TSPEAR: variants seen among roughly 807,000 people sequenced by gnomAD.
The protein encoded by TSPEAR is thrombospondin type laminin G domain and EAR repeats.
A neutral mutation model predicts 71.6 loss-of-function variants in TSPEAR; 69 were observed. The ratio of observed to expected loss-of-function variants is 0.96; its 90% CI spans 0.79 to 1.18. The LOEUF is 1.18. Ranked by LOEUF, TSPEAR falls within the 50% of genes most tolerant of loss-of-function variation. The pLI is 0.00. For synonymous variants in TSPEAR, 402 were observed against 387.2 expected (o/e 1.04, Z -0.45); for missense variants, 971 against 894.9 (o/e 1.09, Z -1.09).
chr21:44,512,175 A>T (rs1214923058), intron 9 of TSPEAR, among the ~76,000 whole-genome samples: 2 of 152,202 alleles, frequency 1.3e-5, no homozygotes, highest in Admixed American at 1.3e-4. Context: ...GGGCGGGCCT[A>T]CAGGGCCTGG....
Position 44,499,714 on chromosome 21 carries a change from G to T in TSPEAR, c.*69C>A. 1.4e-6 allele frequency: 2 copies of T among 1,459,610 alleles called. No homozygotes were observed. Among genetic ancestry groups the T allele is most frequent in the South Asian group, 1.3e-5 (1 of 74,276 alleles). 90.4% of individuals were successfully genotyped at this position (1,459,610 alleles called of 1,614,324 possible). ...GGCTGGGCCCACCTGGACGTCCAGGGTCAGTTGGGGGAGGTGCTGGGGTCC... is the reference window on the plus strand; with the variant it reads ...GGCTGGGCCCACCTGGACGTCCAGGTTCAGTTGGGGGAGGTGCTGGGGTCC... On this transcript the variant is annotated 3_prime_UTR_variant, in exon 12 of 12. Transcript: ENST00000323084.
chr21:44,539,878 G>A, intron 2 of TSPEAR: 1 of 1,578,820 alleles, frequency 6.3e-7, no homozygotes, highest in East Asian at 2.3e-5. Flanking sequence ...AGGGGGAGGA[G>A]GTGCAGCAAG....
intron 1 of TSPEAR, among the ~76,000 whole-genome samples, chr21:44,701,623 AAC>A (rs1435408950): frequency 7.2e-5 from 11 of 152,316 alleles, no homozygotes; most frequent in South Asian, 2.1e-4. Context: ...CACAAGGAGC[AAC>A]AGAGACCCCT....
In TSPEAR at chr21:44,533,861, C is replaced by G; in HGVS notation, c.366G>C (p.Arg122=). 6.2e-7 allele frequency: 1 copy of G among 1,612,446 alleles called. No homozygotes were observed. Residue 122 remains arginine (R), a synonymous_variant, in exon 3 of 12, where the codon CGG becomes CGC. Coordinates refer to ENST00000323084, the MANE Select transcript of TSPEAR (RefSeq NM_144991.3). ...GGAAGTGCAGCTGGGCAGGTGACAACCGCAGGCCGAGCAGCAGCAGGTCGC... is the reference window on the plus strand; with the variant it reads ...GGAAGTGCAGCTGGGCAGGTGACAAGCGCAGGCCGAGCAGCAGCAGGTCGC... The part of the protein sequence containing the change: ...EESDLLLLGL[R]LSPAQLHFLF...
rs1157176461 is a variant in TSPEAR, at chr21:44,623,496, T to G, written c.83-55491A>C. ...TATACAGTAAATATTCATTTAGATT[T>G]CCCCATGTTGTCCTCCTTTTGTTAC... On this transcript the variant is annotated intron_variant, in intron 1 of 11. Transcript: ENST00000323084. This position sits in a 1 kb window ranked among gnomAD's most constrained non-coding sequence, Gnocchi z 4.5. Among the ~76,000 whole-genome samples the G allele has an allele frequency of 6.6e-6, 1 of 152,244 alleles. No homozygotes were observed. Among genetic ancestry groups the G allele is most frequent in the Non-Finnish European group, 1.5e-5 (1 of 68,036 alleles).
At chr21:44,628,796 C>T (rs377629559) in intron 1 of TSPEAR, among the ~76,000 whole-genome samples, 2 of 152,170 alleles carry the variant, frequency 1.3e-5, no homozygotes, top group Non-Finnish European at 2.9e-5. Flanking sequence ...GAGTTCCACT[C>T]GGAGAGAGCT....
chr21:44,646,583 C>G lies in TSPEAR; in HGVS notation c.82+64850G>C, dbSNP rs199930012. 72 of 1,612,420 alleles carry G rather than the reference C, an allele frequency of 4.5e-5. No individual in the cohort carries two copies. The highest frequency in any genetic ancestry group is 1.1e-4 in the East Asian group (5 of 44,880). ...CCCAGCTGCTGCGCCCCGGCCCCCT[C>G]CCTGAGCCTGGTCTGCACCCCAGTG... On this transcript the variant is annotated intron_variant, in intron 1 of 11. Transcript: ENST00000323084.
intron 1 of TSPEAR, chr21:44,654,443 G>A (rs782816169): frequency 3.2e-5 from 52 of 1,613,966 alleles, no homozygotes; most frequent in Non-Finnish European, 4.2e-5. Flanking sequence ...CAGCAGGCTG[G>A]CTGGCAGCAG....
chr21:44,588,994 T>TCG (rs1205818784), intron 1 of TSPEAR, among the ~76,000 whole-genome samples: 2 of 151,844 alleles, frequency 1.3e-5, no homozygotes, highest in East Asian at 3.9e-4. Flanking sequence ...CTTTGGGGAC[T>TCG]GAGAGGGAAA....
chr21:44,561,043 G>A (rs750006217), intron 2 of TSPEAR, among the ~76,000 whole-genome samples: 19 of 152,094 alleles, frequency 1.2e-4, no homozygotes, highest in Non-Finnish European at 2.4e-4. Flanking sequence ...ATGAATCCAG[G>A]AGCTGGTTTT....
intron 1 of TSPEAR, among the ~76,000 whole-genome samples, chr21:44,645,463 C>A (rs1555939340): frequency 6.6e-6 from 1 of 151,188 alleles, no homozygotes; most frequent in African/African-American, 2.4e-5. Context: ...TTCAAGAATT[C>A]TCCTGCCTCA....
chr21:44,703,679 C>T (rs561502755), intron 1 of TSPEAR, among the ~76,000 whole-genome samples: 21 of 152,294 alleles, frequency 1.4e-4, no homozygotes, highest in Admixed American at 1.1e-3. Context: ...TCTAGCCGGG[C>T]GTGGCAGAGG....
At position 44,711,369 on chromosome 21, in the gene TSPEAR, C is replaced by T; in HGVS notation, c.82+64G>A. 1.4e-6 allele frequency: 2 copies of T among 1,459,756 alleles called. No individual in the cohort carries two copies. The highest frequency in any genetic ancestry group is 1.9e-6 in the Non-Finnish European group (2 of 1,070,722). 90.4% of individuals were successfully genotyped at this position (1,459,756 alleles called of 1,614,324 possible). ...CAGTGTTAGAAAGTGGCATTTGTGA[C>T]TCGACACCCCTCCCAGCTCCCCGGC... On this transcript the variant is annotated intron_variant, in intron 1 of 11. Transcript: ENST00000323084. The surrounding 1 kb of genome is among the most constrained non-coding windows in gnomAD (Gnocchi z 4.5).
chr21:44,534,807 A>C (rs1555916201), intron 2 of TSPEAR, among the ~76,000 whole-genome samples: 1 of 152,230 alleles, frequency 6.6e-6, no homozygotes, highest in African/African-American at 2.4e-5. Flanking sequence ...AAAGAATCGA[A>C]AGAGATACTT....
At position 44,593,691 on chromosome 21, in the gene TSPEAR, A is replaced by C. The variant is rs587738280; in HGVS notation, c.83-25686T>G. 7.2e-5 allele frequency among the ~76,000 whole-genome samples: 11 copies of C among 152,274 alleles called. No individual in the cohort carries two copies. Among genetic ancestry groups the C allele is most frequent in the African/African-American group, 2.6e-4 (11 of 41,546 alleles). On this transcript the variant is annotated intron_variant, in intron 1 of 11. Coordinates refer to ENST00000323084, the MANE Select transcript of TSPEAR (RefSeq NM_144991.3). The surrounding 1 kb of genome is among the most constrained non-coding windows in gnomAD (Gnocchi z 5.9). ...CCACAGAGCAGACTCTGGCAATAAG[A>C]TATCAAATTACAAACAGGACCTCAG...
chr21:44,525,960 G>A (rs2052847508), intron 7 of TSPEAR, 121 bp from the exon 8 acceptor site: 1 of 1,005,900 alleles, frequency 9.9e-7, no homozygotes, highest in Non-Finnish European at 1.5e-6. Context: ...GTGGTGCAGG[G>A]ACAGAGGACC....
In TSPEAR at chr21:44,528,576, G is replaced by A; in HGVS notation, c.798C>T (p.Asn266=). The change falls in exon 6 of 12, where the codon AAC becomes AAT. Residue 266 remains asparagine (N), a synonymous_variant. Transcript: ENST00000323084. ...NEVLKYPYET[N]IRVTLGPQPP... ...GCTGGGGTCCCAGCGTCACTCGAAT[G>A]TTGGTTTCTGAGGGGAAGACCAGGA... 1.2e-6 allele frequency: 2 copies of A among 1,613,906 alleles called. No homozygotes were observed. Among genetic ancestry groups the A allele is most frequent in the South Asian group, 1.1e-5 (1 of 91,052 alleles).
At chr21:44,540,201 G>A in intron 2 of TSPEAR, 1 of 1,590,836 alleles carries the variant, frequency 6.3e-7, no homozygotes, top group African/African-American at 1.3e-5. Flanking sequence ...AGTGAGTGTG[G>A]GAGTCAGTGT....
Position 44,612,786 on chromosome 21 carries a change from G to A in TSPEAR, c.83-44781C>T, listed in dbSNP as rs782513171. On this transcript the variant is annotated intron_variant, in intron 1 of 11. Coordinates refer to ENST00000323084, the MANE Select transcript of TSPEAR (RefSeq NM_144991.3). The surrounding 1 kb of genome is among the most constrained non-coding windows in gnomAD (Gnocchi z 4.1). ...TGCTGTGTGCCTGTCCCCTCCTGTT[G>A]TGTCCCTGCCTCCTCCTGCCAGCCC... 2.9e-5 allele frequency: 47 copies of A among 1,613,114 alleles called. No homozygotes were observed. The highest frequency in any genetic ancestry group is 3.9e-5 in the Non-Finnish European group (46 of 1,179,896).
Sources: gnomAD v4.1 joint callset for allele counts (sites outside exome capture counted in the v4.1 genomes callset) on GRCh38, gnomAD v4.1.1 for gene constraint, Gnocchi (gnomAD v3.1) non-coding constraint, MANE v1.5 for transcripts, NCBI Gene and HGNC (gene_info 2026-07-23, HGNC 2026-07-21) for gene names.